Variants in PIGQ observed in about 807,000 individuals in gnomAD.
The protein encoded by PIGQ is phosphatidylinositol glycan anchor biosynthesis class Q, also known as phosphatidylinositol N-acetylglucosaminyltransferase subunit Q.
In PIGQ, 54 loss-of-function variants were observed where a neutral mutation model predicts 60.3. The observed-to-expected ratio is 0.90, with a 90% CI of 0.72 to 1.12. The LOEUF (loss-of-function observed/expected upper bound fraction) is 1.12, where lower values mean the gene tolerates loss of function less well. Among genes scored for constraint, PIGQ ranks in the 50% most tolerant of loss-of-function variants. The probability of loss-of-function intolerance (pLI) is 0.00; values close to 1 mark genes in which losing one functional copy is unlikely to be tolerated. For synonymous variants in PIGQ, 416 were observed against 363.7 expected, an observed-to-expected ratio of 1.14 and a Z score of -1.64; for missense variants, 799 against 793.5, an observed-to-expected ratio of 1.01 and a Z score of -0.08.
chr16:571,099 G>C (rs1425170225), intron 1 of PIGQ, among the ~76,000 whole-genome samples: 1 of 21,054 alleles, frequency 4.7e-5, no homozygotes, highest in Non-Finnish European at 9.4e-5. Context: ...GTGTGTGTGT[G>C]TGTGTGTGTC....
intron 1 of PIGQ, among the ~76,000 whole-genome samples, chr16:572,760 CGTCCCGCTCTGTTCCCTCGTCCCT>C: frequency 2.0e-5 from 3 of 152,100 alleles, no homozygotes; most frequent in African/African-American, 4.8e-5. Context: ...GACCTCCAGG[CGTCCCGCTCTGTTCCCTCGTCCCT>C]AAGGATGTGG....
chr16:583,119 A>G lies in PIGQ; in HGVS notation c.*84A>G, dbSNP rs140954198. ...AGGGTGGCACCAGCTCAGCTGGCGC[A>G]TGTCCTGTGCTTTGTGGACGCTGCT... On this transcript the variant is annotated 3_prime_UTR_variant, in exon 11 of 11. Coordinates refer to ENST00000321878, the MANE Select transcript of PIGQ (RefSeq NM_004204.5). 3.0e-5 allele frequency: 48 copies of G among 1,613,152 alleles called. 1 individual carries two copies. The Admixed American group carries it at 5.3e-4, about 18-fold the overall frequency.
chr16:578,711 T>A, intron 5 of PIGQ, 74 bp from the exon 6 acceptor site: 1 of 1,516,446 alleles, frequency 6.6e-7, no homozygotes, highest in Non-Finnish European at 9.1e-7. Flanking sequence ...CCTCATGTCC[T>A]GTGTGTGTGA....
At chr16:572,364 T>C (rs1462682456) in intron 1 of PIGQ, 13 of 380,436 alleles carry the variant, frequency 3.4e-5, no homozygotes, top group African/African-American at 2.3e-4. Flanking sequence ...CCTTTTCAGC[T>C]AGAACCCACC....
chr16:576,506 C>A (rs2035721937), intron 4 of PIGQ: 2 of 575,118 alleles, frequency 3.5e-6, no homozygotes, highest in East Asian at 5.8e-5. Flanking sequence ...CGGGCTGAGG[C>A]TCTGGGGAGC....
At position 582,245 on chromosome 16, in the gene PIGQ, C is replaced by G; in HGVS notation, c.1532-3C>G. On this transcript the variant is annotated splice_region_variant and splice_polypyrimidine_tract_variant and intron_variant, in intron 9 of 10. Coordinates refer to ENST00000321878, the MANE Select transcript of PIGQ (RefSeq NM_004204.5). ...CCTCGTCAGCCGCTTGCTATCCTTGCAGCTGGCGTGAAGTTCCGTGTCCTC... is the reference window on the plus strand; with the variant it reads ...CCTCGTCAGCCGCTTGCTATCCTTGGAGCTGGCGTGAAGTTCCGTGTCCTC... 6.2e-7 allele frequency: 1 copy of G among 1,600,076 alleles called. No homozygotes were observed. Among genetic ancestry groups the G allele is most frequent in the Non-Finnish European group, 8.5e-7 (1 of 1,172,030 alleles).
At chr16:581,449 C>G in intron 9 of PIGQ, 12 of 794,892 alleles carry the variant, frequency 1.5e-5, no homozygotes, top group Non-Finnish European at 1.9e-5. Context: ...TGGCTTCTTT[C>G]AGTGGAGTCT....
At chr16:571,458 GTCTGGCTAGCC>G in intron 1 of PIGQ, among the ~76,000 whole-genome samples, 1 of 131,082 alleles carries the variant, frequency 7.6e-6, no homozygotes, top group African/African-American at 3.1e-5. Flanking sequence ...GTGTGTTTGT[GTCTGGCTAGCC>G]TGTGTGTGTC....
chr16:575,174 C>T (rs911938595), intron 2 of PIGQ, among the ~76,000 whole-genome samples: 1 of 152,202 alleles, frequency 6.6e-6, no homozygotes, highest in Admixed American at 6.5e-5. Flanking sequence ...GACACTGCAG[C>T]GCTCATGGGC....
chr16:576,116 G>T lies in PIGQ; in HGVS notation c.822-18G>T. ...TGCTGGCCACCCTCATGCCGGCCGG[G>T]CCGGACCTCCCTTCCAGGAAGGCCA... is the stretch of plus-strand genomic sequence containing the variant. On this transcript the variant is annotated intron_variant, in intron 3 of 10. Coordinates refer to ENST00000321878, the MANE Select transcript of PIGQ (RefSeq NM_004204.5). The T allele has an allele frequency of 3.2e-6, 5 of 1,546,560 alleles. No individual in the cohort carries two copies. Among genetic ancestry groups the T allele is most frequent in the Non-Finnish European group, 4.4e-6 (5 of 1,146,564 alleles).
chr16:583,260 C>T lies in PIGQ; in HGVS notation c.*225C>T. The T allele has an allele frequency of 1.2e-6, 2 of 1,612,930 alleles. No homozygotes were observed. Among genetic ancestry groups the T allele is most frequent in the African/African-American group, 2.7e-5 (2 of 75,028 alleles). ...GGCCGCACTCCATCACTGGCACTGCCTGCCTTGGGACCCGCTTCCCACCTG... is the reference window on the plus strand; with the variant it reads ...GGCCGCACTCCATCACTGGCACTGCTTGCCTTGGGACCCGCTTCCCACCTG... On this transcript the variant is annotated 3_prime_UTR_variant, in exon 11 of 11. Transcript: ENST00000321878.
At chr16:576,352 C>T in intron 4 of PIGQ, 98 bp downstream of exon 4, 1 of 1,329,792 alleles carries the variant, frequency 7.5e-7, no homozygotes, top group African/African-American at 1.5e-5. Context: ...CCCCACAAAG[C>T]CAGTTCTACC....
At chr16:582,090 C>T (rs1416475227) in intron 9 of PIGQ, 158 bp from the exon 10 acceptor site, 1 of 695,198 alleles carries the variant, frequency 1.4e-6, no homozygotes, top group Admixed American at 2.0e-5. Context: ...GCAGCCAGCT[C>T]CAGGAGTTGG....
chr16:583,666 G>C lies in PIGQ; in HGVS notation c.*631G>C. 1 of 1,610,542 alleles carries C rather than the reference G, an allele frequency of 6.2e-7. No homozygotes were observed. The highest frequency in any genetic ancestry group is 1.1e-5 in the South Asian group (1 of 91,046). On this transcript the variant is annotated 3_prime_UTR_variant, in exon 11 of 11. Coordinates refer to ENST00000321878, the MANE Select transcript of PIGQ (RefSeq NM_004204.5). ...CATCAGCAGGCTGTGAGCATCGCCA[G>C]GCTGCTGTGGGGGCGGGAGCAGCCT... is the stretch of plus-strand genomic sequence containing the variant.
chr16:582,785 G>A, intron 10 of PIGQ, 98 bp from the exon 11 acceptor site: 4 of 1,285,062 alleles, frequency 3.1e-6, no homozygotes, highest in Non-Finnish European at 3.2e-6. Flanking sequence ...GTCTGAGACA[G>A]CACTGGCCCT....
intron 1 of PIGQ, among the ~76,000 whole-genome samples, chr16:571,108 TCTGGCTAGCCTG>T (rs1567173449): frequency 0.028 from 80 of 2,884 alleles, 4 homozygotes; most frequent in East Asian, 0.042. Flanking sequence ...TGTGTGTGTG[TCTGGCTAGCCTG>T]GTGCCCGTGT....
At chr16:578,609 CG>C in intron 5 of PIGQ, 104 bp downstream of exon 5, 1 of 1,449,622 alleles carries the variant, frequency 6.9e-7, no homozygotes, top group South Asian at 1.3e-5. Flanking sequence ...TGCTCCCCAG[CG>C]TCCTGTGTGT....
Position 574,475 on chromosome 16 carries a change from G to A in PIGQ, c.401G>A (p.Arg134His), listed in dbSNP as rs765775002. 5.0e-6 allele frequency: 8 copies of A among 1,609,932 alleles called. No individual in the cohort carries two copies. Among genetic ancestry groups the A allele is most frequent in the Non-Finnish European group, 6.8e-6 (8 of 1,178,950 alleles). Residue 134 changes from arginine (R) to histidine (H), a missense_variant, in exon 2 of 11, where the codon CGC becomes CAC. Arg to His is a conservative substitution (Grantham distance 29). Transcript: ENST00000321878. ...GTCATGCTCATCTTCTATGACCAGC[G>A]CCAGGTGTTGCTGTCACAGCTACAC... ...DQVMLIFYDQ[R>H]QVLLSQLHLP...
chr16:571,538 C>CTGTG (rs570933889), intron 1 of PIGQ, among the ~76,000 whole-genome samples: 7 of 34,454 alleles, frequency 2.0e-4, no homozygotes, highest in Non-Finnish European at 1.1e-4. Flanking sequence ...AGCCTGGCGC[C>CTGTG]TGTGTGTGTG....
Sources: allele counts gnomAD v4.1 joint callset (sites outside exome capture counted in the v4.1 genomes callset), GRCh38; gene constraint gnomAD v4.1.1; transcripts MANE v1.5; gene names NCBI Gene and HGNC (gene_info 2026-07-23, HGNC 2026-07-21).